Variants in SYNGR4 observed in about 807,000 individuals in gnomAD.
SYNGR4 encodes the protein synaptogyrin-4.
In SYNGR4, 15 loss-of-function variants were observed where a neutral mutation model predicts 15.5. That is an observed-to-expected ratio of 0.97 (90% CI 0.65 to 1.49). The LOEUF (loss-of-function observed/expected upper bound fraction) is 1.49, where lower values mean the gene tolerates loss of function less well. Ranked by LOEUF, SYNGR4 falls within the 40% of genes most tolerant of loss-of-function variation. The probability of loss-of-function intolerance (pLI) is 0.00; values close to 1 mark genes in which losing one functional copy is unlikely to be tolerated. For synonymous variants in SYNGR4, 121 were observed against 127.4 expected (o/e 0.95, Z 0.34); for missense variants, 292 against 299.3 (o/e 0.98, Z 0.18).
chr19:48,374,181 G>C lies in SYNGR4; in HGVS notation c.331+427G>C, dbSNP rs554613965. Among the ~76,000 whole-genome samples the C allele has an allele frequency of 2.7e-5, 4 of 150,610 alleles. No individual in the cohort carries two copies. The East Asian group carries it at 7.9e-4, about 30-fold the overall frequency. On this transcript the variant is annotated intron_variant, in intron 3 of 4. Coordinates refer to ENST00000344846, the MANE Select transcript of SYNGR4 (RefSeq NM_012451.4). ...CAACCTCCGCCTCCCGGGTTCAAGC[G>C]ATTCTCCTGTCTCAGCCTCCTGAGT... is the stretch of plus-strand genomic sequence containing the variant.
rs1970346478 is a variant in SYNGR4, at chr19:48,373,643, T to G, written c.220T>G (p.Phe74Val). The change falls in exon 3 of 5, where the codon TTC becomes GTC. Residue 74 changes from phenylalanine (F) to valine (V), a missense_variant. Phe to Val is a conservative substitution (Grantham distance 50). Transcript: ENST00000344846. Reference protein sequence around the residue: ...VACSFAVGAGFLAFLSCLAFL... With the variant: ...VACSFAVGAGVLAFLSCLAFL... ...CTGCAGCTTTGCCGTGGGAGCCGGCTTCCTGGCCTTCCTCAGCTGCCTGGC... is the reference window on the plus strand; with the variant it reads ...CTGCAGCTTTGCCGTGGGAGCCGGCGTCCTGGCCTTCCTCAGCTGCCTGGC... 6.2e-7 allele frequency: 1 copy of G among 1,613,740 alleles called. No individual in the cohort carries two copies. The highest frequency in any genetic ancestry group is 1.3e-5 in the African/African-American group (1 of 74,924).
At chr19:48,367,489 A>G (rs1209141389) in intron 2 of SYNGR4, among the ~76,000 whole-genome samples, 2 of 152,050 alleles carry the variant, frequency 1.3e-5, no homozygotes, top group East Asian at 1.9e-4. Flanking sequence ...AGAGAGTTCT[A>G]TTAGACAGCA....
intron 2 of SYNGR4, among the ~76,000 whole-genome samples, chr19:48,371,202 CCTGCCGGGA>C (rs1970299421): frequency 6.6e-6 from 1 of 152,160 alleles, no homozygotes; most frequent in Admixed American, 6.6e-5. Flanking sequence ...TGCCATCCAC[CCTGCCGGGA>C]ATGCCCTTCC....
At chr19:48,375,056 CGCTCT>C (rs903575933) in intron 3 of SYNGR4, among the ~76,000 whole-genome samples, 4 of 140,804 alleles carry the variant, frequency 2.8e-5, no homozygotes, top group African/African-American at 1.1e-4. Context: ...GACAGAGTTG[CGCTCT>C]GTCGCCCAGG....
rs1600939181 is a variant in SYNGR4, at chr19:48,365,808, C to G, written c.-35C>G. The G allele has an allele frequency of 4.3e-6, 7 of 1,611,346 alleles. No individual in the cohort carries two copies. The highest frequency in any genetic ancestry group is 2.2e-5 in the East Asian group (1 of 44,844). On this transcript the variant is annotated 5_prime_UTR_variant, in exon 2 of 5. Transcript: ENST00000344846. The stretch of plus-strand genomic sequence containing the variant: ...CAGGCAGCGCCCAGCACCCTGGCTC[C>G]CACCTCCCAGTGGCCCCAAAGGAAA...
At position 48,373,573 on chromosome 19, in the gene SYNGR4, G is replaced by A; in HGVS notation, c.150G>A (p.Met50Ile). 1 of 1,613,830 alleles carries A rather than the reference G, an allele frequency of 6.2e-7. No homozygotes were observed. The highest frequency in any genetic ancestry group is 8.5e-7 in the Non-Finnish European group (1 of 1,180,026). ...SLLTDGYQNK[M>I]ESPQLHCILN... ...TGACCGACGGCTACCAGAACAAGAT[G>A]GAGTCTCCGCAGCTCCACTGCATTC... Residue 50 changes from methionine to isoleucine, a missense_variant, in exon 3 of 5, where the codon ATG becomes ATA. Coordinates refer to ENST00000344846, the MANE Select transcript of SYNGR4 (RefSeq NM_012451.4).
Position 48,376,283 on chromosome 19 carries a change from A to G in SYNGR4, c.670A>G (p.Lys224Glu), listed in dbSNP as rs201267743. ...SALSPCLTAP[K>E]SPRLAMMPDN ...CCTGTCCCCCTGTCTGACCGCTCCA[A>G]AGTCCCCCCGGCTTGCTATGATGCC... Residue 224 changes from lysine to glutamate, a missense_variant, in exon 5 of 5, where the codon AAG (lysine) becomes GAG (glutamate). Transcript: ENST00000344846. 1.2e-6 allele frequency: 2 copies of G among 1,612,872 alleles called. No individual in the cohort carries two copies. Among genetic ancestry groups the G allele is most frequent in the East Asian group, 2.2e-5 (1 of 44,832 alleles).
Position 48,365,853 on chromosome 19 carries a change from C to G in SYNGR4, c.11C>G (p.Pro4Arg), listed in dbSNP as rs1970209082. 6.2e-7 allele frequency: 1 copy of G among 1,613,804 alleles called. No homozygotes were observed. The highest frequency in any genetic ancestry group is 1.3e-5 in the African/African-American group (1 of 75,048). The change falls in exon 2 of 5, where the codon CCC (proline) becomes CGC (arginine). Residue 4 changes from proline (P) to arginine (R), a missense_variant. By Grantham distance (103) the Pro-to-Arg change is moderately radical. Coordinates refer to ENST00000344846, the MANE Select transcript of SYNGR4 (RefSeq NM_012451.4). The part of the protein sequence containing the change: MHI[P>R]KSLQELANSE... Reference sequence around the variant, plus strand: ...AGGAAAACAGCTGCCATGCACATCCCCAAAAGCCTCCAGGAGCTGGCCAAC... The same window carrying G: ...AGGAAAACAGCTGCCATGCACATCCGCAAAAGCCTCCAGGAGCTGGCCAAC...
At chr19:48,367,141 A>AG (rs1167745844) in intron 2 of SYNGR4, among the ~76,000 whole-genome samples, 1 of 151,774 alleles carries the variant, frequency 6.6e-6, no homozygotes, top group Non-Finnish European at 1.5e-5. Context: ...AAAAAAAAAA[A>AG]AAAAATTGTG....
Position 48,375,998 on chromosome 19 carries a change from C to T in SYNGR4, c.472-87C>T, listed in dbSNP as rs780178651. 3.8e-6 allele frequency: 6 copies of T among 1,595,994 alleles called. No homozygotes were observed. In the East Asian group the frequency reaches 9.0e-5, roughly 24 times the overall value. On this transcript the variant is annotated intron_variant, in intron 4 of 4. Coordinates refer to ENST00000344846, the MANE Select transcript of SYNGR4 (RefSeq NM_012451.4). ...CAGTCCAAACACCGGTATCTTTTGT[C>T]TCCTTCCCAGGCCAGTCCCCAGCCC...
intron 2 of SYNGR4, among the ~76,000 whole-genome samples, chr19:48,370,548 G>A (rs1456940646): frequency 6.6e-6 from 1 of 152,022 alleles, no homozygotes; most frequent in Non-Finnish European, 1.5e-5. Flanking sequence ...CAATTCTAAC[G>A]AAGGGGAGAT....
chr19:48,368,459 C>T (rs1970252288), intron 2 of SYNGR4, among the ~76,000 whole-genome samples: 1 of 151,928 alleles, frequency 6.6e-6, no homozygotes. Context: ...AGTCTCAGCT[C>T]ACTGCAACTT....
intron 2 of SYNGR4, among the ~76,000 whole-genome samples, chr19:48,371,252 C>A (rs948848176): frequency 3.9e-5 from 6 of 152,214 alleles, no homozygotes; most frequent in African/African-American, 1.4e-4. Flanking sequence ...ACTCCTTGTT[C>A]TTTAAGGTCC....
intron 2 of SYNGR4, among the ~76,000 whole-genome samples, chr19:48,367,431 T>TAA (rs112566804): frequency 4.9e-5 from 7 of 143,442 alleles, no homozygotes; most frequent in African/African-American, 1.8e-4. Flanking sequence ...AGACTCCATT[T>TAA]AAAAAAAAAA....
At chr19:48,374,076 C>CTTTT (rs946583656) in intron 3 of SYNGR4, among the ~76,000 whole-genome samples, 6 of 132,742 alleles carry the variant, frequency 4.5e-5, no homozygotes, top group African/African-American at 1.2e-4. Flanking sequence ...GAAAATCTCT[C>CTTTT]TTTTTTTTTT....
At chr19:48,367,358 G>C (rs1057111874) in intron 2 of SYNGR4, among the ~76,000 whole-genome samples, 1 of 150,854 alleles carries the variant, frequency 6.6e-6, no homozygotes. Flanking sequence ...GCGTGAACCC[G>C]GGAGGTGGAG....
intron 2 of SYNGR4, 70 bp downstream of exon 2, chr19:48,366,005 A>G: frequency 6.7e-7 from 1 of 1,496,374 alleles, no homozygotes; most frequent in Admixed American, 1.7e-5. Flanking sequence ...TCCCAGACAC[A>G]GTGCGGGAGA....
chr19:48,366,061 C>G, intron 2 of SYNGR4, 126 bp downstream of exon 2: 1 of 921,740 alleles, frequency 1.1e-6, no homozygotes, highest in Non-Finnish European at 1.7e-6. Flanking sequence ...GACAACGGAG[C>G]AAATGCTGAC....
chr19:48,375,479 A>T (rs1268348125), intron 3 of SYNGR4, 134 bp from the exon 4 acceptor site: 1 of 1,138,734 alleles, frequency 8.8e-7, no homozygotes, highest in Non-Finnish European at 1.2e-6. Context: ...CATAGAAGCT[A>T]ATAAAAAAAG....
Sources: allele counts gnomAD v4.1 joint callset (sites outside exome capture counted in the v4.1 genomes callset), GRCh38; gene constraint gnomAD v4.1.1; transcripts MANE v1.5; gene names NCBI Gene and HGNC (gene_info 2026-07-23, HGNC 2026-07-21).